MED12L: variants seen among roughly 807,000 people sequenced by gnomAD.
MED12L encodes the protein mediator of RNA polymerase II transcription subunit 12-like protein.
MED12L carries 60 observed loss-of-function variants against 281.3 expected under a neutral mutation model. The observed-to-expected ratio is 0.21, with a 90% CI of 0.17 to 0.26. The LOEUF (loss-of-function observed/expected upper bound fraction) is 0.26, where lower values mean the gene tolerates loss of function less well. Among genes scored for constraint, MED12L ranks in the 10% least tolerant of loss-of-function variants. MED12L has a pLI of 1.00. For synonymous variants in MED12L, 974 were observed against 987.2 expected, an observed-to-expected ratio of 0.99 and a Z score of 0.25; for missense variants, 2,146 against 2,680.9, an observed-to-expected ratio of 0.80 and a Z score of 4.41.
chr3:151,376,601 ATAAT>A (rs1225617829), intron 28 of MED12L, among the ~76,000 whole-genome samples, 195 bp from the exon 29 acceptor site: 2 of 152,212 alleles, frequency 1.3e-5, no homozygotes, highest in Non-Finnish European at 2.9e-5. Flanking sequence ...TAACTAATTA[ATAAT>A]TAATGTTTCT....
intron 16 of MED12L, among the ~76,000 whole-genome samples, chr3:151,207,172 A>G (rs1726495957): frequency 6.6e-6 from 1 of 151,932 alleles, no homozygotes; most frequent in Non-Finnish European, 1.5e-5. Flanking sequence ...ATCCTGTTGC[A>G]TCAGCCTCCT....
intron 16 of MED12L, among the ~76,000 whole-genome samples, chr3:151,247,760 A>AT (rs1243597430): frequency 8.5e-6 from 1 of 117,058 alleles, no homozygotes; most frequent in Non-Finnish European, 2.0e-5. Context: ...TTAATGTATA[A>AT]TAAAAAAAAA....
At chr3:151,131,884 C>G (rs1260910325) in intron 5 of MED12L, among the ~76,000 whole-genome samples, 1 of 152,088 alleles carries the variant, frequency 6.6e-6, no homozygotes, top group Non-Finnish European at 1.5e-5. Context: ...AAAGTTAAAA[C>G]TTTTATTTTT....
chr3:151,319,076 C>T (rs897001415), intron 16 of MED12L, among the ~76,000 whole-genome samples: 4 of 152,072 alleles, frequency 2.6e-5, no homozygotes, highest in Non-Finnish European at 5.9e-5. Context: ...CGCAAGGCAG[C>T]CTTTATGCGT....
At position 151,434,897 on chromosome 3, in the gene MED12L, TTTTC is replaced by T. The variant is rs1719926572; in HGVS notation, c.*2097_*2100del. On this transcript the variant is annotated 3_prime_UTR_variant, in exon 45 of 45. Transcript: ENST00000687756. The stretch of plus-strand genomic sequence containing the variant: ...ACATGAAAGCTGTGGGGCATATCTT[TTTTC>T]TTTTTTTAGGTGAGGAAGTTATGCT... 6.6e-6 allele frequency: 1 copy of T among 152,186 alleles called. No homozygotes were observed. 9.4% of individuals were successfully genotyped at this position (152,186 alleles called of 1,614,324 possible).
intron 11 of MED12L, among the ~76,000 whole-genome samples, chr3:151,167,996 T>G (rs1720935096): frequency 6.6e-6 from 1 of 152,176 alleles, no homozygotes; most frequent in African/African-American, 2.4e-5. Context: ...GTTTTGTGGT[T>G]AGCCTGACTA....
chr3:151,305,570 G>A (rs1392497290), intron 16 of MED12L, among the ~76,000 whole-genome samples: 1 of 152,094 alleles, frequency 6.6e-6, no homozygotes, highest in Non-Finnish European at 1.5e-5. Context: ...CGCCAGGTAG[G>A]AAGATACGAG....
chr3:151,290,456 T>C (rs1346447855), intron 16 of MED12L, among the ~76,000 whole-genome samples: 4 of 152,288 alleles, frequency 2.6e-5, no homozygotes, highest in African/African-American at 4.8e-5. Context: ...TCTTGATAAA[T>C]TGATGGAAAA....
chr3:151,377,374 T>A (rs1311853853), intron 30 of MED12L, among the ~76,000 whole-genome samples, 196 bp downstream of exon 30: 2 of 152,228 alleles, frequency 1.3e-5, no homozygotes, highest in Non-Finnish European at 1.5e-5. Flanking sequence ...TTGAGTAGGC[T>A]TAAACACCTT....
At chr3:151,337,581 A>G (rs576397095) in intron 16 of MED12L, 3 of 492,650 alleles carry the variant, frequency 6.1e-6, no homozygotes, top group Admixed American at 7.7e-5. Context: ...CAGCATGACA[A>G]TTGGATGTCG....
intron 16 of MED12L, among the ~76,000 whole-genome samples, chr3:151,306,920 C>T (rs1278406105): frequency 6.6e-6 from 1 of 152,174 alleles, no homozygotes; most frequent in Non-Finnish European, 1.5e-5. Flanking sequence ...ATCTGTCCTC[C>T]ACTCTCCAGT....
At chr3:151,238,170 G>A (rs1733322751) in intron 16 of MED12L, among the ~76,000 whole-genome samples, 1 of 104,096 alleles carries the variant, frequency 9.6e-6, no homozygotes, top group Non-Finnish European at 2.0e-5. Flanking sequence ...TTCTTGAGAT[G>A]GAGTCTCGCT....
At chr3:151,368,715 A>G (rs1243425661) in intron 25 of MED12L, among the ~76,000 whole-genome samples, 1 of 42,002 alleles carries the variant, frequency 2.4e-5, no homozygotes, top group African/African-American at 7.3e-5. Flanking sequence ...ATTTCATTTC[A>G]TTTCATTTCA....
At chr3:151,306,490 G>A (rs976628847) in intron 16 of MED12L, among the ~76,000 whole-genome samples, 4 of 152,206 alleles carry the variant, frequency 2.6e-5, no homozygotes, top group Non-Finnish European at 1.5e-5. Flanking sequence ...ATAGGGACTT[G>A]ACCCCAGTTG....
intron 21 of MED12L, among the ~76,000 whole-genome samples, chr3:151,360,992 A>G (rs1754534885): frequency 1.3e-5 from 2 of 152,168 alleles, no homozygotes; most frequent in African/African-American, 2.4e-5. Flanking sequence ...TAAGTTTAAA[A>G]TTCAATTTGG....
At chr3:151,380,086 C>A (rs759662485) in intron 31 of MED12L, 27 bp from the exon 32 acceptor site, 3 of 1,357,588 alleles carry the variant, frequency 2.2e-6, no homozygotes, top group South Asian at 2.5e-5. Flanking sequence ...CTAACTAGAT[C>A]TGTTGTTATT....
At chr3:151,360,409 G>C (rs1201986859) in intron 20 of MED12L, 65 bp from the exon 21 acceptor site, 2 of 1,444,734 alleles carry the variant, frequency 1.4e-6, no homozygotes, top group African/African-American at 1.4e-5. Context: ...CATTCTAAAA[G>C]AGTCAAATGA....
chr3:151,170,441 A>G (rs1201173007), intron 11 of MED12L, among the ~76,000 whole-genome samples: 2 of 151,734 alleles, frequency 1.3e-5, no homozygotes, highest in South Asian at 2.1e-4. Context: ...ATGCCCGGCT[A>G]ATTTTTCTAT....
chr3:151,422,412 C>G (rs577160435), intron 43 of MED12L, among the ~76,000 whole-genome samples: 1 of 152,282 alleles, frequency 6.6e-6, no homozygotes, highest in East Asian at 1.9e-4. Context: ...TGCCTCTCCT[C>G]CAGCTTCTGG....
Sources: gnomAD v4.1 joint callset for allele counts (sites outside exome capture counted in the v4.1 genomes callset) on GRCh38, gnomAD v4.1.1 for gene constraint, MANE v1.5 for transcripts, NCBI Gene and HGNC (gene_info 2026-07-23, HGNC 2026-07-21) for gene names.